Variants in CDH13 observed in about 807,000 individuals in gnomAD.
CDH13 encodes cadherin 13, also known as cadherin-13.
Under a neutral mutation model 63.8 loss-of-function variants are expected in CDH13, and 24 were observed. That is an observed-to-expected ratio of 0.38 (90% confidence interval 0.27 to 0.53). The LOEUF is 0.53. Ranked by LOEUF, CDH13 falls within the 20% of genes least tolerant of loss-of-function variation. The probability of loss-of-function intolerance (pLI) is 0.85; values close to 1 mark genes in which losing one functional copy is unlikely to be tolerated. For synonymous variants in CDH13, 503 were observed against 355.3 expected (o/e 1.42, Z -4.67); for missense variants, 1,049 against 903.1 (o/e 1.16, Z -2.07).
chr16:83,624,202 C>G (rs530856557), intron 8 of CDH13, among the ~76,000 whole-genome samples: 1 of 152,252 alleles, frequency 6.6e-6, no homozygotes, highest in African/African-American at 2.4e-5. Flanking sequence ...GCCCTGATGC[C>G]TTATACACAA....
intron 8 of CDH13, among the ~76,000 whole-genome samples, chr16:83,663,005 T>G (rs1913582271): frequency 1.3e-5 from 2 of 152,232 alleles, no homozygotes; most frequent in African/African-American, 4.8e-5. Context: ...TTCTCCATTC[T>G]TTTGCTTCTC....
intron 2 of CDH13, among the ~76,000 whole-genome samples, chr16:82,946,196 A>T (rs1904696767): frequency 6.6e-6 from 1 of 151,402 alleles, no homozygotes; most frequent in Non-Finnish European, 1.5e-5. Context: ...AGATGGATGG[A>T]TGGATGGATG....
intron 1 of CDH13, among the ~76,000 whole-genome samples, chr16:82,851,831 C>T (rs778836572): frequency 2.0e-5 from 3 of 152,194 alleles, no homozygotes; most frequent in Non-Finnish European, 2.9e-5. Context: ...TACACTGCTG[C>T]GATATTTTTA....
chr16:83,316,990 T>A (rs2090120116), intron 5 of CDH13, among the ~76,000 whole-genome samples: 1 of 152,186 alleles, frequency 6.6e-6, no homozygotes, highest in Admixed American at 6.5e-5. Flanking sequence ...GCAGAGGGGT[T>A]CCTAACCTGG....
chr16:83,351,213 G>C (rs2090944819), intron 6 of CDH13, among the ~76,000 whole-genome samples: 2 of 151,056 alleles, frequency 1.3e-5, no homozygotes, highest in African/African-American at 4.9e-5. Context: ...CATGCTGTAG[G>C]TTCCTCCATT....
intron 1 of CDH13, among the ~76,000 whole-genome samples, chr16:82,773,791 C>CT (rs200574265): frequency 1.9e-4 from 26 of 139,652 alleles, no homozygotes; most frequent in East Asian, 4.2e-4. Context: ...TCTTCTTCTT[C>CT]TTTTTTTTTT....
chr16:82,632,015 C>T (rs1435682072), intron 1 of CDH13, among the ~76,000 whole-genome samples: 2 of 152,148 alleles, frequency 1.3e-5, no homozygotes, highest in Non-Finnish European at 2.9e-5. Flanking sequence ...AAATGTTTTG[C>T]AAATTGTACA....
At chr16:83,649,495 C>G (rs1386986261) in intron 8 of CDH13, among the ~76,000 whole-genome samples, 2 of 152,014 alleles carry the variant, frequency 1.3e-5, no homozygotes, top group Admixed American at 6.6e-5. Context: ...TGGTTGTTTT[C>G]TAATTGGAGA....
intron 10 of CDH13, among the ~76,000 whole-genome samples, chr16:83,699,959 C>A (rs1905967793): frequency 6.6e-6 from 1 of 152,184 alleles, no homozygotes; most frequent in African/African-American, 2.4e-5. Flanking sequence ...TGCAAAAGTG[C>A]ACAAGTTGAT....
intron 4 of CDH13, among the ~76,000 whole-genome samples, chr16:83,176,057 T>C (rs1004285646): frequency 6.0e-5 from 9 of 150,186 alleles, no homozygotes; most frequent in African/African-American, 2.2e-4. Flanking sequence ...TCCATGTAGG[T>C]CAGGCTGGTC....
At chr16:82,959,897 G>T (rs1200654643) in intron 2 of CDH13, among the ~76,000 whole-genome samples, 2 of 152,068 alleles carry the variant, frequency 1.3e-5, no homozygotes, top group Admixed American at 6.6e-5. Flanking sequence ...TTTAATGGAG[G>T]TTTTCATTCT....
chr16:83,541,996 A>C (rs1021221873), intron 7 of CDH13, among the ~76,000 whole-genome samples: 1 of 152,248 alleles, frequency 6.6e-6, no homozygotes, highest in African/African-American at 2.4e-5. Context: ...TATTATTGCT[A>C]TTAGTATTAA....
chr16:83,750,589 T>A (rs1913000498), intron 11 of CDH13, among the ~76,000 whole-genome samples: 1 of 152,138 alleles, frequency 6.6e-6, no homozygotes. Flanking sequence ...CCTGATCCAA[T>A]ATGATTGATG....
intron 11 of CDH13, among the ~76,000 whole-genome samples, chr16:83,777,837 A>G (rs1370076267): frequency 2.0e-5 from 3 of 152,246 alleles, no homozygotes; most frequent in Non-Finnish European, 4.4e-5. Flanking sequence ...AGAAAATAAA[A>G]TTATACTTGG....
chr16:83,176,327 T>C lies in CDH13; in HGVS notation c.484-41018T>C, dbSNP rs374518774. On this transcript the variant is annotated intron_variant, in intron 4 of 13. Transcript: ENST00000567109. ...GAGTTCGAGACCAGCCTGGGCAACA[T>C]GGTGAAACCCTGTCTCTTCTAAAAA... 5.3e-5 allele frequency among the ~76,000 whole-genome samples: 8 copies of C among 151,654 alleles called. No homozygotes were observed. The East Asian group carries it at 1.6e-3, about 30-fold the overall frequency.
chr16:83,438,350 A>G (rs2072380419), intron 6 of CDH13, among the ~76,000 whole-genome samples: 1 of 152,220 alleles, frequency 6.6e-6, no homozygotes, highest in Non-Finnish European at 1.5e-5. Context: ...GCCTAAACCT[A>G]ATGGCACCAG....
chr16:83,340,762 T>G (rs574673292), intron 5 of CDH13, among the ~76,000 whole-genome samples: 2 of 152,264 alleles, frequency 1.3e-5, no homozygotes, highest in African/African-American at 4.8e-5. Flanking sequence ...AGATGTGTAA[T>G]TGCTCGGAGT....
intron 3 of CDH13, among the ~76,000 whole-genome samples, chr16:83,086,584 T>G (rs2033611490): frequency 6.6e-6 from 1 of 152,238 alleles, no homozygotes. Flanking sequence ...TAGCTTAACT[T>G]ATAACTTTCA....
chr16:83,346,558 T>C (rs1380686836), intron 6 of CDH13, among the ~76,000 whole-genome samples: 3 of 152,204 alleles, frequency 2.0e-5, no homozygotes, highest in Non-Finnish European at 4.4e-5. Context: ...ATGACAGTGC[T>C]TACATTCGGG....
Sources: allele counts gnomAD v4.1 joint callset (sites outside exome capture counted in the v4.1 genomes callset), GRCh38; gene constraint gnomAD v4.1.1; transcripts MANE v1.5; gene names NCBI Gene and HGNC (gene_info 2026-07-23, HGNC 2026-07-21).